Variants in NLN observed in about 807,000 individuals in gnomAD.
NLN encodes neurolysin, mitochondrial.
In NLN, 64 loss-of-function variants were observed where a neutral mutation model predicts 79.9. That is an observed-to-expected ratio of 0.80 (90% confidence interval 0.65 to 0.99). The LOEUF (loss-of-function observed/expected upper bound fraction) is 0.99. Among genes scored for constraint, NLN ranks in the 50% least tolerant of loss-of-function variants. The pLI is 0.00. For synonymous variants in NLN, 267 were observed against 296.6 expected (o/e 0.90, Z 1.02); for missense variants, 835 against 858.7 (o/e 0.97, Z 0.34).
intron 9 of NLN, among the ~76,000 whole-genome samples, chr5:65,795,118 C>T (rs147770591): frequency 0.012 from 1,884 of 151,420 alleles, 19 homozygotes; most frequent in Non-Finnish European, 0.019. Context: ...TTTGGGAGGC[C>T]GAGGCAGGAG....
rs1238013381 is a variant in NLN at position 65,762,959 on chromosome 5, G to C, written c.302-1G>C. 2.5e-6 allele frequency: 4 copies of C among 1,613,276 alleles called. No individual in the cohort carries two copies. Among genetic ancestry groups the C allele is most frequent in the African/African-American group, 2.7e-5 (2 of 75,000 alleles). On this transcript the variant is annotated splice_acceptor_variant, in intron 2 of 12. Transcript: ENST00000380985. LOFTEE classifies it high-confidence loss of function. The stretch of plus-strand genomic sequence containing the variant: ...GTGATAGTTTTTTTCTCCATCTGCA[G>C]TGGAAAGGACCATGCTAGACTTTCC...
intron 9 of NLN, among the ~76,000 whole-genome samples, chr5:65,801,766 T>C (rs1463965404): frequency 6.6e-6 from 1 of 152,210 alleles, no homozygotes; most frequent in East Asian, 1.9e-4. Context: ...ACATTAACTG[T>C]GTTCTTATTT....
chr5:65,785,757 G>A lies in NLN; in HGVS notation c.823-18G>A. Reference sequence around the variant, plus strand: ...ATTATTGATTAGCCTTTATTTTGTTGCTGTTGTTTATTACTAGGAAAACAC... The same window carrying A: ...ATTATTGATTAGCCTTTATTTTGTTACTGTTGTTTATTACTAGGAAAACAC... On this transcript the variant is annotated intron_variant, in intron 6 of 12. Coordinates refer to ENST00000380985, the MANE Select transcript of NLN (RefSeq NM_020726.5). The A allele has an allele frequency of 1.2e-6, 2 of 1,608,336 alleles. No individual in the cohort carries two copies. Among genetic ancestry groups the A allele is most frequent in the South Asian group, 1.1e-5 (1 of 90,744 alleles).
At chr5:65,722,530 C>A in intron 1 of NLN, 116 bp downstream of exon 1, 1 of 942,188 alleles carries the variant, frequency 1.1e-6, no homozygotes, top group Non-Finnish European at 1.6e-6. Context: ...GCTCCCGGGA[C>A]GCACCCTCCC....
intron 3 of NLN, among the ~76,000 whole-genome samples, chr5:65,764,471 G>A (rs1415255681): frequency 6.6e-6 from 1 of 152,180 alleles, no homozygotes; most frequent in Non-Finnish European, 1.5e-5. Flanking sequence ...AGGTTGCAGT[G>A]AGCTGAGATC....
At position 65,785,605 on chromosome 5, in the gene NLN, CAAA is replaced by C. The variant is rs111882029; in HGVS notation, c.823-156_823-154del. ...CAGAAATAAAACGAAATCATGAATC[CAAA>C]AAAAAAAAAAAAAGCCTATAACACC... On this transcript the variant is annotated intron_variant, in intron 6 of 12. Transcript: ENST00000380985. Among the ~76,000 whole-genome samples the C allele has an allele frequency of 4.6e-3, 353 of 76,934 alleles. 3 individuals are homozygous for C. Among genetic ancestry groups the C allele is most frequent in the African/African-American group, 0.012 (343 of 29,592 alleles). The allele number at this position is 76,934 out of a possible 152,430, so 50.5% of individuals were successfully genotyped here.
chr5:65,759,736 G>A (rs182260979), intron 2 of NLN, among the ~76,000 whole-genome samples: 5 of 152,126 alleles, frequency 3.3e-5, no homozygotes, highest in Admixed American at 2.0e-4. Flanking sequence ...TTTACTTCAG[G>A]CTCATCACTC....
chr5:65,745,893 T>C (rs370438935), intron 1 of NLN, among the ~76,000 whole-genome samples: 2 of 152,178 alleles, frequency 1.3e-5, no homozygotes, highest in Non-Finnish European at 2.9e-5. Flanking sequence ...GACAACTGAG[T>C]ACATACTGGT....
chr5:65,797,366 T>C (rs1189138114), intron 9 of NLN, among the ~76,000 whole-genome samples: 1 of 152,246 alleles, frequency 6.6e-6, no homozygotes, highest in African/African-American at 2.4e-5. Context: ...TTGTGTGACA[T>C]GAAATCATTA....
chr5:65,755,678 T>G (rs891621359), intron 1 of NLN, among the ~76,000 whole-genome samples: 2 of 149,342 alleles, frequency 1.3e-5, no homozygotes, highest in Non-Finnish European at 2.9e-5. Flanking sequence ...GGCTTAACCA[T>G]TAGTTAGCAT....
intron 1 of NLN, among the ~76,000 whole-genome samples, chr5:65,724,197 A>C (rs936789693): frequency 6.6e-5 from 10 of 151,976 alleles, no homozygotes; most frequent in Admixed American, 1.3e-4. Context: ...ACCACTGTCC[A>C]TCTCCAGAAC....
chr5:65,739,778 T>C (rs1312310155), intron 1 of NLN, among the ~76,000 whole-genome samples: 1 of 152,232 alleles, frequency 6.6e-6, no homozygotes, highest in African/African-American at 2.4e-5. Flanking sequence ...TTTTTTCATA[T>C]ACCTGTTTGC....
At chr5:65,765,886 TATAAA>T (rs1011385638) in intron 3 of NLN, among the ~76,000 whole-genome samples, 2 of 152,256 alleles carry the variant, frequency 1.3e-5, no homozygotes, top group African/African-American at 4.8e-5. Flanking sequence ...CCCAATTGGA[TATAAA>T]ATGTTATTTT....
chr5:65,761,226 A>G (rs962001686), intron 2 of NLN, among the ~76,000 whole-genome samples: 7 of 152,124 alleles, frequency 4.6e-5, no homozygotes, highest in African/African-American at 1.2e-4. Flanking sequence ...TGTTGCTTAT[A>G]TAAGTTTATG....
Position 65,797,007 on chromosome 5 carries a change from T to C in NLN, c.1527+4352T>C, listed in dbSNP as rs546729872. Among the ~76,000 whole-genome samples, 3 of 152,370 alleles carry C rather than the reference T, an allele frequency of 2.0e-5. No homozygotes were observed. In the East Asian group the frequency reaches 5.8e-4, roughly 29 times the overall value. The stretch of plus-strand genomic sequence containing the variant: ...CCCGTTTTCAAACATGTAGATGCAC[T>C]AGTTCAATATGTCTGCTATCTCTTC... On this transcript the variant is annotated intron_variant, in intron 9 of 12. Coordinates refer to ENST00000380985, the MANE Select transcript of NLN (RefSeq NM_020726.5).
chr5:65,733,473 C>G, intron 1 of NLN: 1 of 1,401,008 alleles, frequency 7.1e-7, no homozygotes. Flanking sequence ...GTATCCTTCC[C>G]ATCTGGAGAG....
intron 1 of NLN, among the ~76,000 whole-genome samples, chr5:65,748,179 C>T (rs915868952): frequency 6.6e-6 from 1 of 152,126 alleles, no homozygotes; most frequent in African/African-American, 2.4e-5. Flanking sequence ...CCAGCCTGGG[C>T]AACAGAGCAA....
Position 65,794,713 on chromosome 5 carries a change from A to G in NLN, c.1527+2058A>G, listed in dbSNP as rs188118884. 3.9e-5 allele frequency among the ~76,000 whole-genome samples: 6 copies of G among 152,328 alleles called. No individual in the cohort carries two copies. The East Asian group carries it at 1.2e-3, about 29-fold the overall frequency. On this transcript the variant is annotated intron_variant, in intron 9 of 12. Transcript: ENST00000380985. ...GTGAATAGTCCAGCAGGGGGTATGAATGACGAGCAGGATATGGAACAGTCT... is the reference window on the plus strand; with the variant it reads ...GTGAATAGTCCAGCAGGGGGTATGAGTGACGAGCAGGATATGGAACAGTCT...
chr5:65,781,317 A>T lies in NLN; in HGVS notation c.718A>T (p.Lys240Ter). The change falls in exon 6 of 13, where the codon AAA (lysine) becomes TAA (stop). Residue 240 changes from lysine (K) to a stop codon, truncating the protein, a stop_gained. Coordinates refer to ENST00000380985, the MANE Select transcript of NLN (RefSeq NM_020726.5). LOFTEE classifies it high-confidence loss of function. ...AGAAAAGACAGATGATGACAAGTAT[A>T]AAATTACCTTAAAATATCCACACTA... The part of the protein sequence containing the change: ...SLEKTDDDKY[K>*]ITLKYPHYFP... The T allele has an allele frequency of 6.2e-7, 1 of 1,604,760 alleles. No homozygotes were observed. The highest frequency in any genetic ancestry group is 8.5e-7 in the Non-Finnish European group (1 of 1,171,646).
Sources: gnomAD v4.1 joint callset for allele counts (sites outside exome capture counted in the v4.1 genomes callset) on GRCh38, gnomAD v4.1.1 for gene constraint, MANE v1.5 for transcripts, NCBI Gene and HGNC (gene_info 2026-07-23, HGNC 2026-07-21) for gene names.